SSH1: variants seen among roughly 807,000 people sequenced by gnomAD.
SSH1 encodes protein phosphatase Slingshot homolog 1.
A neutral mutation model predicts 79.7 loss-of-function variants in SSH1; 43 were observed. That is an observed-to-expected ratio of 0.54 (90% CI 0.42 to 0.70). The LOEUF (loss-of-function observed/expected upper bound fraction) is 0.70, where lower values mean the gene tolerates loss of function less well. Among genes scored for constraint, SSH1 ranks in the 30% least tolerant of loss-of-function variants. The pLI is 0.00. For missense variants in SSH1, 1,206 were observed against 1,358.8 expected (o/e 0.89, Z 1.77); for synonymous variants, 599 against 538.3 (o/e 1.11, Z -1.56).
chr12:108,789,954 A>T (rs2036432431), intron 14 of SSH1, among the ~76,000 whole-genome samples: 1 of 151,934 alleles, frequency 6.6e-6, no homozygotes, highest in South Asian at 2.1e-4. Flanking sequence ...TCGGCCTCCC[A>T]AAGTGCTAGG....
intron 4 of SSH1, 31 bp from the exon 5 acceptor site, chr12:108,817,190 C>G (rs946502103): frequency 6.2e-7 from 1 of 1,611,906 alleles, no homozygotes; most frequent in Admixed American, 1.7e-5. Context: ...TCTCACTAAC[C>G]TGCCTTTGGA....
chr12:108,802,547 A>G (rs1291548162), intron 10 of SSH1, among the ~76,000 whole-genome samples, 179 bp from the exon 11 acceptor site: 5 of 152,112 alleles, frequency 3.3e-5, no homozygotes, highest in African/African-American at 1.2e-4. Context: ...GAGTACTCAG[A>G]GCATGAGAGG....
chr12:108,808,309 T>C (rs555439091), intron 7 of SSH1, among the ~76,000 whole-genome samples: 3 of 152,342 alleles, frequency 2.0e-5, no homozygotes, highest in South Asian at 2.1e-4. Flanking sequence ...GGAATGCATA[T>C]AGCCTGAAAC....
rs1403998468 is a variant in SSH1, at chr12:108,783,285, C to T, written c.*4703G>A. The T allele has an allele frequency of 6.6e-6, 1 of 152,268 alleles. No individual in the cohort carries two copies. The highest frequency in any genetic ancestry group is 1.5e-5 in the Non-Finnish European group (1 of 68,066). The allele number at this position is 152,268 out of a possible 1,614,324, so 9.4% of individuals were successfully genotyped here. On this transcript the variant is annotated 3_prime_UTR_variant, in exon 15 of 15. Coordinates refer to ENST00000326495, the MANE Select transcript of SSH1 (RefSeq NM_018984.4). ...ATAGATGTGAACACACAATGTAAAA[C>T]TGCATAGCAGGATAAACACGTATGG...
rs180783936 is a variant in SSH1 at position 108,826,392 on chromosome 12, A to G, written c.111-3031T>C. On this transcript the variant is annotated intron_variant, in intron 2 of 14. Coordinates refer to ENST00000326495, the MANE Select transcript of SSH1 (RefSeq NM_018984.4). ...CTCTGTTCCCCCACGACAATCAAGT[A>G]ACAGGCATTTACTGTAAAAAGCAAG... The G allele has an allele frequency of 3.4e-3, 1,078 of 317,876 alleles. 10 individuals are homozygous for G. Among genetic ancestry groups the G allele is most frequent in the Non-Finnish European group, 4.0e-3 (657 of 163,230 alleles). 19.7% of individuals were successfully genotyped at this position (317,876 alleles called of 1,614,324 possible).
At position 108,807,797 on chromosome 12, in the gene SSH1, G is replaced by A. The variant is rs1251217882; in HGVS notation, c.567C>T (p.Cys189=). The A allele has an allele frequency of 8.7e-6, 14 of 1,613,972 alleles. No individual in the cohort carries two copies. The highest frequency in any genetic ancestry group is 1.7e-4 in the Middle Eastern group (1 of 6,010). Residue 189 remains cysteine (C), a synonymous_variant, in exon 8 of 15, where the codon TGC becomes TGT. Transcript: ENST00000326495. The surrounding 1 kb of genome is among the most constrained non-coding windows in gnomAD (Gnocchi z 5.2). Reference sequence around the variant, plus strand: ...AGTAGTTGTGCCTCCGGGCCACTTCGCAGGCCTTGTGAAGCACCTGCAGGG... The same window carrying A: ...AGTAGTTGTGCCTCCGGGCCACTTCACAGGCCTTGTGAAGCACCTGCAGGG... The part of the protein sequence containing the change: ...WSALQVLHKA[C]EVARRHNYFP...
chr12:108,857,555 C>T lies in SSH1; in HGVS notation c.-59G>A. 5 of 993,192 alleles carry T rather than the reference C, an allele frequency of 5.0e-6. No homozygotes were observed. The highest frequency in any genetic ancestry group is 6.0e-6 in the Non-Finnish European group (5 of 828,716). The allele number at this position is 993,192 out of a possible 1,614,324, so 61.5% of individuals were successfully genotyped here. Reference sequence around the variant, plus strand: ...CTCGAGCTAGAGCCGCCACCGCCACCGCCGCCCGGGCCGGGCCCGGGGCCT... The same window carrying T: ...CTCGAGCTAGAGCCGCCACCGCCACTGCCGCCCGGGCCGGGCCCGGGGCCT... On this transcript the variant is annotated 5_prime_UTR_variant, in exon 1 of 15. Coordinates refer to ENST00000326495, the MANE Select transcript of SSH1 (RefSeq NM_018984.4). The surrounding 1 kb of genome is among the most constrained non-coding windows in gnomAD (Gnocchi z 4.7).
At chr12:108,793,187 GAAT>G (rs888281599) in intron 13 of SSH1, among the ~76,000 whole-genome samples, 1 of 152,116 alleles carries the variant, frequency 6.6e-6, no homozygotes, top group Non-Finnish European at 1.5e-5. Context: ...TGTCAAATAA[GAAT>G]AACAACGCTC....
intron 3 of SSH1, 82 bp downstream of exon 3, chr12:108,823,176 A>T: frequency 2.2e-6 from 3 of 1,374,496 alleles, no homozygotes; most frequent in South Asian, 1.2e-5. Context: ...CTTCAAACTC[A>T]GCAACATCAC....
At chr12:108,818,038 A>G (rs866959502) in intron 4 of SSH1, among the ~76,000 whole-genome samples, 1 of 152,158 alleles carries the variant, frequency 6.6e-6, no homozygotes, top group Middle Eastern at 3.4e-3. Context: ...CATATCCACA[A>G]AATTTTTTTA....
In SSH1 at chr12:108,855,819, C is replaced by T. The variant is rs549892974; in HGVS notation, c.69+1609G>A. Among the ~76,000 whole-genome samples the T allele has an allele frequency of 1.6e-3, 247 of 152,114 alleles. 2 individuals are homozygous for T. The highest frequency in any genetic ancestry group is 2.7e-3 in the Non-Finnish European group (181 of 68,006). ...CTAATCAGCGTGTAGAGGGGGATTA[C>T]TAGAACCTTCTGTGTATAGATAACT... On this transcript the variant is annotated intron_variant, in intron 1 of 14. Coordinates refer to ENST00000326495, the MANE Select transcript of SSH1 (RefSeq NM_018984.4).
At chr12:108,823,869 T>C (rs750359667) in intron 2 of SSH1, among the ~76,000 whole-genome samples, 6 of 152,310 alleles carry the variant, frequency 3.9e-5, no homozygotes, top group South Asian at 2.1e-4. Flanking sequence ...GGTTTTACCA[T>C]GTTGGCCAGG....
rs114348929 is a variant in SSH1 at position 108,820,358 on chromosome 12, C to T, written c.215-2045G>A. On this transcript the variant is annotated intron_variant, in intron 3 of 14. Coordinates refer to ENST00000326495, the MANE Select transcript of SSH1 (RefSeq NM_018984.4). ...TAAAGAAAGCCATAGACCTCCCCAG[C>T]CCCTTCCTCCACCCGTCATGTCACC... Among the ~76,000 whole-genome samples, 440 of 152,294 alleles carry T rather than the reference C, an allele frequency of 2.9e-3. 4 individuals are homozygous for T. The highest frequency in any genetic ancestry group is 0.01 in the African/African-American group (433 of 41,558).
chr12:108,798,670 C>T (rs921349932), intron 13 of SSH1, among the ~76,000 whole-genome samples: 2 of 152,220 alleles, frequency 1.3e-5, no homozygotes, highest in South Asian at 4.1e-4. Context: ...AAACCAGATG[C>T]CCAGGAAGCG....
chr12:108,801,952 A>G (rs1173951119), intron 11 of SSH1, among the ~76,000 whole-genome samples: 1 of 152,194 alleles, frequency 6.6e-6, no homozygotes, highest in East Asian at 1.9e-4. Flanking sequence ...CGCAACAGCC[A>G]GCAGACCTCT....
rs1425124191 is a variant in SSH1 at position 108,781,615 on chromosome 12, C to G, written c.*6373G>C. On this transcript the variant is annotated 3_prime_UTR_variant, in exon 15 of 15. Coordinates refer to ENST00000326495, the MANE Select transcript of SSH1 (RefSeq NM_018984.4). ...GGCACTGGAATTTAGGGGTCACGCCCAGGTACTTGTGACAGTTAGTGCTCA... is the reference window on the plus strand; with the variant it reads ...GGCACTGGAATTTAGGGGTCACGCCGAGGTACTTGTGACAGTTAGTGCTCA... The G allele has an allele frequency of 6.6e-6, 1 of 152,222 alleles. No homozygotes were observed. Among genetic ancestry groups the G allele is most frequent in the Non-Finnish European group, 1.5e-5 (1 of 68,048 alleles). 9.4% of individuals were successfully genotyped at this position (152,222 alleles called of 1,614,324 possible). A position where few individuals can be genotyped will look rare whatever the true frequency, so the allele number is the denominator to read the frequency against.
Position 108,805,069 on chromosome 12 carries a change from T to C in SSH1, c.941A>G (p.Asp314Gly). 1.2e-6 allele frequency: 2 copies of C among 1,614,152 alleles called. No homozygotes were observed. The highest frequency in any genetic ancestry group is 4.5e-5 in the East Asian group (2 of 44,886). Residue 314 changes from aspartate (D) to glycine (G), a missense_variant, in exon 10 of 15, where the codon GAT becomes GGT. This residue lies in a region of SSH1 where 166 missense variants were observed against 262.9 expected (regional missense o/e 0.63). Coordinates refer to ENST00000326495, the MANE Select transcript of SSH1 (RefSeq NM_018984.4). ...CATGCCTCTTACGAGATAAAGATGATCGAAGATAAGGGAGGGCTTGTCCAT... is the reference window on the plus strand; with the variant it reads ...CATGCCTCTTACGAGATAAAGATGACCGAAGATAAGGGAGGGCTTGTCCAT... ...GQMDKPSLIF[D>G]HLYLGSEWNA...
chr12:108,804,944 G>A, intron 10 of SSH1, 112 bp downstream of exon 10: 1 of 1,360,940 alleles, frequency 7.3e-7, no homozygotes, highest in Non-Finnish European at 1.0e-6. Flanking sequence ...GGAGGCTCTG[G>A]CAACTCAAGT....
In SSH1 at chr12:108,779,222, T is replaced by C. The variant is rs943666805; in HGVS notation, c.*8766A>G. ...AAAAAAAGGAATTTCAGGTTGAAAA[T>C]GGACTCTTAACAAGGTACTTCAGGA... is the stretch of plus-strand genomic sequence containing the variant. On this transcript the variant is annotated 3_prime_UTR_variant, in exon 15 of 15. Coordinates refer to ENST00000326495, the MANE Select transcript of SSH1 (RefSeq NM_018984.4). The C allele has an allele frequency of 6.6e-6, 1 of 152,206 alleles. No individual in the cohort carries two copies. The highest frequency in any genetic ancestry group is 6.5e-5 in the Admixed American group (1 of 15,286). 9.4% of individuals were successfully genotyped at this position (152,206 alleles called of 1,614,324 possible). A position where few individuals can be genotyped will look rare whatever the true frequency, so the allele number is the denominator to read the frequency against.
Sources: gnomAD v4.1 joint callset for allele counts (sites outside exome capture counted in the v4.1 genomes callset) on GRCh38, gnomAD v4.1.1 for gene constraint, gnomAD v4.1.1 regional missense constraint, Gnocchi (gnomAD v3.1) non-coding constraint, MANE v1.5 for transcripts, NCBI Gene and HGNC (gene_info 2026-07-23, HGNC 2026-07-21) for gene names.